Variants in EMSY observed in about 807,000 individuals in gnomAD.
The protein encoded by EMSY is BRCA2-interacting transcriptional repressor EMSY.
EMSY carries 26 observed loss-of-function variants against 134.6 expected under a neutral mutation model. The ratio of observed to expected loss-of-function variants is 0.19; its 90% confidence interval spans 0.14 to 0.27. EMSY has a LOEUF of 0.27. Ranked by LOEUF, EMSY falls within the 10% of genes least tolerant of loss-of-function variation. The pLI, the probability that EMSY is intolerant of heterozygous loss-of-function variation, is 1.00. For missense variants in EMSY, 1,305 were observed against 1,611.4 expected, an observed-to-expected ratio of 0.81 and a Z score of 3.26; for synonymous variants, 579 against 577.8, an observed-to-expected ratio of 1.00 and a Z score of -0.03.
At chr11:76,498,632 T>C (rs1949739675) in intron 9 of EMSY, among the ~76,000 whole-genome samples, 1 of 152,178 alleles carries the variant, frequency 6.6e-6, no homozygotes, top group Non-Finnish European at 1.5e-5. Context: ...TAAAGGCTGA[T>C]TTTAAAAAAT....
intron 1 of EMSY, among the ~76,000 whole-genome samples, chr11:76,446,323 G>GTATATATATATGTGTA (rs1555036459): frequency 2.1e-3 from 121 of 57,996 alleles, no homozygotes; most frequent in Non-Finnish European, 3.2e-3. Context: ...GTGTGTGTGT[G>GTATATATATATGTGTA]TATATATATA....
chr11:76,480,812 G>T (rs1011079157), intron 8 of EMSY, among the ~76,000 whole-genome samples: 1 of 152,198 alleles, frequency 6.6e-6, no homozygotes, highest in Non-Finnish European at 1.5e-5. Flanking sequence ...GAAGCACAAG[G>T]GGTTGGGAAA....
intron 9 of EMSY, 111 bp from the exon 11 acceptor site, chr11:76,513,275 C>G (rs2136116467): frequency 1.1e-6 from 1 of 941,108 alleles, no homozygotes; most frequent in East Asian, 3.0e-5. Context: ...AAAAAAACTT[C>G]TCTTTAGACA....
chr11:76,529,178 G>A (rs1950947787), intron 14 of EMSY, among the ~76,000 whole-genome samples: 1 of 152,068 alleles, frequency 6.6e-6, no homozygotes, highest in African/African-American at 2.4e-5. Context: ...ATGTCTCTCA[G>A]TTATCTTAAC....
intron 8 of EMSY, among the ~76,000 whole-genome samples, chr11:76,486,147 A>C (rs1949170590): frequency 6.6e-6 from 1 of 152,198 alleles, no homozygotes; most frequent in Non-Finnish European, 1.5e-5. Context: ...AAACTAACAC[A>C]GGAACAGAAA....
intron 14 of EMSY, among the ~76,000 whole-genome samples, chr11:76,533,255 A>G (rs1317512475): frequency 1.3e-5 from 2 of 152,110 alleles, no homozygotes; most frequent in Admixed American, 6.6e-5. Flanking sequence ...ATCATGAAGA[A>G]GAGAAGATGG....
intron 9 of EMSY, among the ~76,000 whole-genome samples, chr11:76,497,399 A>G (rs892762476): frequency 3.3e-5 from 5 of 152,068 alleles, no homozygotes; most frequent in Non-Finnish European, 7.4e-5. Flanking sequence ...TTTCCTTTCT[A>G]TTTTTTGGAA....
chr11:76,454,133 T>A (rs1765506533), intron 4 of EMSY, among the ~76,000 whole-genome samples: 1 of 152,212 alleles, frequency 6.6e-6, no homozygotes, highest in Non-Finnish European at 1.5e-5. Context: ...ATTTGTTTTT[T>A]ATTTTTATGT....
intron 8 of EMSY, among the ~76,000 whole-genome samples, chr11:76,492,402 G>A (rs1280191931): frequency 4.6e-5 from 7 of 152,140 alleles, no homozygotes; most frequent in Non-Finnish European, 1.0e-4. Flanking sequence ...TGAACCGGGA[G>A]GCAGAGGTTG....
intron 14 of EMSY, among the ~76,000 whole-genome samples, chr11:76,535,256 T>C (rs1951183025): frequency 2.0e-5 from 3 of 152,166 alleles, no homozygotes; most frequent in South Asian, 2.1e-4. Flanking sequence ...TTGCTAATAA[T>C]TGATGTAGTT....
At chr11:76,512,430 C>T (rs1017516981) in intron 9 of EMSY, among the ~76,000 whole-genome samples, 10 of 152,118 alleles carry the variant, frequency 6.6e-5, no homozygotes, top group Middle Eastern at 6.8e-3. Flanking sequence ...GTGGTATTTC[C>T]GTTTACAAAA....
At chr11:76,502,853 AG>A (rs1299435209) in intron 9 of EMSY, among the ~76,000 whole-genome samples, 1 of 152,230 alleles carries the variant, frequency 6.6e-6, no homozygotes, top group Non-Finnish European at 1.5e-5. Context: ...TTAAGATGAC[AG>A]TGCTCCTTAA....
At chr11:76,456,746 A>G (rs764045967) in intron 4 of EMSY, among the ~76,000 whole-genome samples, 2 of 152,208 alleles carry the variant, frequency 1.3e-5, no homozygotes, top group Non-Finnish European at 2.9e-5. Context: ...CACATTTTCC[A>G]CAGTAACCCA....
intron 8 of EMSY, among the ~76,000 whole-genome samples, chr11:76,487,683 A>T (rs999329435): frequency 6.6e-6 from 1 of 152,372 alleles, no homozygotes; most frequent in African/African-American, 2.4e-5. Context: ...ACTTTGCACA[A>T]AATTATTTAA....
chr11:76,506,035 C>T (rs1950063246), intron 9 of EMSY, among the ~76,000 whole-genome samples: 1 of 151,988 alleles, frequency 6.6e-6, no homozygotes, highest in African/African-American at 2.4e-5. Context: ...GGTATGGTGG[C>T]ATATGCTTGT....
chr11:76,513,255 A>G (rs1020266289), intron 9 of EMSY, 131 bp from the exon 11 acceptor site: 2 of 653,168 alleles, frequency 3.1e-6, no homozygotes, highest in Non-Finnish European at 4.7e-6. Flanking sequence ...TTAGAGTTTC[A>G]TCAGTATTAA....
chr11:76,533,377 C>T (rs1021556670), intron 14 of EMSY, among the ~76,000 whole-genome samples: 4 of 152,072 alleles, frequency 2.6e-5, no homozygotes, highest in African/African-American at 4.8e-5. Flanking sequence ...GACCTAGAAG[C>T]GCTAAGTAGA....
chr11:76,465,978 C>G (rs561188624), intron 7 of EMSY, among the ~76,000 whole-genome samples: 1 of 152,160 alleles, frequency 6.6e-6, no homozygotes, highest in Admixed American at 6.5e-5. Flanking sequence ...ATCCCAGTCT[C>G]CTGCCTCGAG....
chr11:76,453,103 A>G (rs951422491), intron 3 of EMSY, among the ~76,000 whole-genome samples: 10 of 152,310 alleles, frequency 6.6e-5, no homozygotes, highest in African/African-American at 2.4e-4. Flanking sequence ...ATTTGCAACT[A>G]AATATTTCTT....
Sources: gnomAD v4.1 joint callset for allele counts (sites outside exome capture counted in the v4.1 genomes callset) on GRCh38, gnomAD v4.1.1 for gene constraint, MANE v1.5 for transcripts, NCBI Gene and HGNC (gene_info 2026-07-23, HGNC 2026-07-21) for gene names.